SIPA1L2: variants seen among roughly 807,000 people sequenced by gnomAD.
The protein encoded by SIPA1L2 is signal-induced proliferation-associated 1-like protein 2.
In SIPA1L2, 56 loss-of-function variants were observed where a neutral mutation model predicts 163.9. The observed-to-expected ratio is 0.34, with a 90% CI of 0.28 to 0.43. The LOEUF (loss-of-function observed/expected upper bound fraction) is 0.43, where lower values mean the gene tolerates loss of function less well. SIPA1L2 is among the 20% of genes least tolerant of loss of function. The probability of loss-of-function intolerance (pLI) is 1.00; values close to 1 mark genes in which losing one functional copy is unlikely to be tolerated. For synonymous variants in SIPA1L2, 877 were observed against 865.7 expected (o/e 1.01, Z -0.23); for missense variants, 1,974 against 2,193.5 (o/e 0.90, Z 2.00).
At position 232,493,519 on chromosome 1, in the gene SIPA1L2, C is replaced by T; in HGVS notation, c.1617+8G>A. ...TAGCCCAATAACTACGGCAAGCAGC[C>T]CCATTACCTCACTTGTCCTGAAAGC... On this transcript the variant is annotated splice_region_variant and intron_variant, in intron 4 of 22. Transcript: ENST00000674635. 1 of 1,613,866 alleles carries T rather than the reference C, an allele frequency of 6.2e-7. No homozygotes were observed. Among genetic ancestry groups the T allele is most frequent in the Non-Finnish European group, 8.5e-7 (1 of 1,179,862 alleles).
chr1:232,480,154 C>CGTGCGT (rs1422738460), intron 6 of SIPA1L2, among the ~76,000 whole-genome samples: 2 of 132,740 alleles, frequency 1.5e-5, no homozygotes, highest in Non-Finnish European at 3.2e-5. Context: ...TGTGTGTGTG[C>CGTGCGT]GTGTGTGTGT....
intron 1 of SIPA1L2, among the ~76,000 whole-genome samples, chr1:232,624,301 A>G (rs930949581): frequency 6.6e-6 from 1 of 152,230 alleles, no homozygotes; most frequent in African/African-American, 2.4e-5. Flanking sequence ...AATCAAAACT[A>G]TAATTCCTAA....
At chr1:232,540,119 C>G (rs953606911) in intron 2 of SIPA1L2, among the ~76,000 whole-genome samples, 1 of 152,106 alleles carries the variant, frequency 6.6e-6, no homozygotes, top group African/African-American at 2.4e-5. Context: ...GCCTGGCCAA[C>G]ATGGTGAAAC....
chr1:232,402,302 T>C, intron 22 of SIPA1L2, 90 bp downstream of exon 22: 1 of 1,196,886 alleles, frequency 8.4e-7, no homozygotes. Context: ...GCAGTTTTCT[T>C]TCCTGAGTCT....
chr1:232,560,513 T>TA (rs1198543610), intron 2 of SIPA1L2, among the ~76,000 whole-genome samples: 1 of 152,192 alleles, frequency 6.6e-6, no homozygotes, highest in Non-Finnish European at 1.5e-5. Context: ...ATTCCTTAGA[T>TA]ATAGGAACGT....
chr1:232,400,651 A>T lies in SIPA1L2; in HGVS notation c.5023-1378T>A, dbSNP rs1313624468. 2.0e-5 allele frequency among the ~76,000 whole-genome samples: 3 copies of T among 152,110 alleles called. No individual in the cohort carries two copies. The East Asian group carries it at 5.8e-4, about 29-fold the overall frequency. ...TGTATCCCCAGTTCCAACCATCATT[A>T]CGGGAAGATTCTAGAACCTGGTTTG... On this transcript the variant is annotated intron_variant, in intron 22 of 22. Transcript: ENST00000674635.
intron 10 of SIPA1L2, among the ~76,000 whole-genome samples, chr1:232,450,763 A>G (rs960642931): frequency 6.6e-6 from 1 of 152,254 alleles, no homozygotes; most frequent in Non-Finnish European, 1.5e-5. Context: ...TACTTAATTC[A>G]TGCCCATAGA....
chr1:232,568,411 T>C lies in SIPA1L2; in HGVS notation c.-270+5763A>G, dbSNP rs552724511. 5.1e-4 allele frequency among the ~76,000 whole-genome samples: 77 copies of C among 152,316 alleles called. 1 individual carries two copies. The highest frequency in any genetic ancestry group is 1.5e-3 in the African/African-American group (61 of 41,572). ...TGGTGTGGGGGCAAACTGCCAAACA[T>C]GTGGTCATGGAAGTCTTCTTTGTTG... On this transcript the variant is annotated intron_variant, in intron 2 of 22. Transcript: ENST00000674635.
intron 1 of SIPA1L2, among the ~76,000 whole-genome samples, chr1:232,592,846 T>C (rs779820956): frequency 2.0e-5 from 3 of 151,482 alleles, no homozygotes; most frequent in Non-Finnish European, 4.4e-5. Context: ...TTTTCTTCTC[T>C]CCTTAAATCC....
intron 19 of SIPA1L2, among the ~76,000 whole-genome samples, chr1:232,408,914 C>T (rs1024235999): frequency 2.0e-5 from 3 of 152,154 alleles, no homozygotes; most frequent in African/African-American, 7.2e-5. Flanking sequence ...TCTCACTACT[C>T]CATAATTAAA....
chr1:232,446,446 A>G (rs1367508496), intron 10 of SIPA1L2, among the ~76,000 whole-genome samples: 1 of 152,226 alleles, frequency 6.6e-6, no homozygotes, highest in Non-Finnish European at 1.5e-5. Context: ...TATTTCACAC[A>G]TGGGCCAAAA....
At chr1:232,403,747 A>G (rs1660484198) in intron 20 of SIPA1L2, among the ~76,000 whole-genome samples, 176 bp from the exon 21 acceptor site, 1 of 152,230 alleles carries the variant, frequency 6.6e-6, no homozygotes, top group Non-Finnish European at 1.5e-5. Flanking sequence ...AGAAGGAGAA[A>G]GCATGGAGAT....
At chr1:232,443,834 T>C (rs1419888896) in intron 11 of SIPA1L2, 149 bp from the exon 12 acceptor site, 2 of 615,298 alleles carry the variant, frequency 3.3e-6, no homozygotes, top group Non-Finnish European at 5.3e-6. Flanking sequence ...GAATAAATCA[T>C]GGAAAAATAA....
chr1:232,403,278 G>A (rs1368843141), intron 21 of SIPA1L2, among the ~76,000 whole-genome samples, 170 bp downstream of exon 21: 1 of 152,226 alleles, frequency 6.6e-6, no homozygotes, highest in African/African-American at 2.4e-5. Flanking sequence ...TCCCACAGCA[G>A]GGCAGGGAGC....
At chr1:232,404,251 A>T in intron 19 of SIPA1L2, 73 bp from the exon 20 acceptor site, 3 of 1,420,484 alleles carry the variant, frequency 2.1e-6, no homozygotes, top group Non-Finnish European at 3.0e-6. Flanking sequence ...GGGCCCACAA[A>T]ATGCGGCTGT....
chr1:232,601,458 C>G (rs1437589522), intron 1 of SIPA1L2, among the ~76,000 whole-genome samples: 2 of 152,196 alleles, frequency 1.3e-5, no homozygotes, highest in African/African-American at 4.8e-5. Flanking sequence ...TAAAACACCT[C>G]AGGGCACCAA....
chr1:232,585,141 A>G (rs1432116883), intron 1 of SIPA1L2, among the ~76,000 whole-genome samples: 1 of 152,240 alleles, frequency 6.6e-6, no homozygotes, highest in Non-Finnish European at 1.5e-5. Context: ...GGGGAAATAC[A>G]ATGAAACCAT....
At chr1:232,480,185 G>A (rs1665271240) in intron 6 of SIPA1L2, among the ~76,000 whole-genome samples, 2 of 135,516 alleles carry the variant, frequency 1.5e-5, no homozygotes, top group African/African-American at 5.8e-5. Flanking sequence ...GTGTGTGTGT[G>A]TGTGTGTTTT....
At chr1:232,499,024 T>C (rs80060676) in intron 3 of SIPA1L2, among the ~76,000 whole-genome samples, 1 of 152,184 alleles carries the variant, frequency 6.6e-6, no homozygotes, top group Non-Finnish European at 1.5e-5. Context: ...GATACAAACA[T>C]AGCCTGCTTC....
Sources: gnomAD v4.1 joint callset for allele counts (sites outside exome capture counted in the v4.1 genomes callset) on GRCh38, gnomAD v4.1.1 for gene constraint, MANE v1.5 for transcripts, NCBI Gene and HGNC (gene_info 2026-07-23, HGNC 2026-07-21) for gene names.